KLHL29: variants seen among roughly 807,000 people sequenced by gnomAD.
The protein encoded by KLHL29 is kelch-like protein 29.
A neutral mutation model predicts 80.4 loss-of-function variants in KLHL29; 21 were observed. The ratio of observed to expected loss-of-function variants is 0.26; its 90% CI spans 0.19 to 0.38. KLHL29 has a LOEUF of 0.38. Among genes scored for constraint, KLHL29 ranks in the 10% least tolerant of loss-of-function variants. The probability of loss-of-function intolerance (pLI) is 1.00; values close to 1 mark genes in which losing one functional copy is unlikely to be tolerated. For missense variants in KLHL29, 867 were observed against 1,223.9 expected, an observed-to-expected ratio of 0.71 and a Z score of 4.35; for synonymous variants, 511 against 526.8, an observed-to-expected ratio of 0.97 and a Z score of 0.41.
chr2:23,706,458 CTG>C, intron 13 of KLHL29, 21 bp from the exon 14 acceptor site: 1 of 1,437,176 alleles, frequency 7.0e-7, no homozygotes, highest in Non-Finnish European at 9.2e-7. Context: ...ATGCCTAACT[CTG>C]TCCCCGCTTT....
chr2:23,501,882 C>G (rs987572018), intron 2 of KLHL29, among the ~76,000 whole-genome samples: 8 of 152,176 alleles, frequency 5.3e-5, no homozygotes, highest in Non-Finnish European at 1.2e-4. Flanking sequence ...CCCTCGTGCC[C>G]CTTCCCAGGC....
intron 3 of KLHL29, among the ~76,000 whole-genome samples, chr2:23,611,344 A>G (rs11892653): frequency 0.026 from 3,909 of 152,206 alleles, 177 homozygotes; most frequent in African/African-American, 0.09. Flanking sequence ...CAGGATTGGA[A>G]CCCAGAGTCT....
chr2:23,496,482 C>T lies in KLHL29; in HGVS notation c.-46+20815C>T, dbSNP rs114965479. Among the ~76,000 whole-genome samples the T allele has an allele frequency of 9.6e-3, 1,461 of 152,266 alleles. 15 individuals are homozygous for T. Among genetic ancestry groups the T allele is most frequent in the Non-Finnish European group, 0.015 (1,024 of 68,020 alleles). The stretch of plus-strand genomic sequence containing the variant: ...AAAGAGCACAGCCCTGGTACCTCCT[C>T]CCTCTCCCCCATCCTGCTCCCACCG... On this transcript the variant is annotated intron_variant, in intron 2 of 13. Coordinates refer to ENST00000486442, the MANE Select transcript of KLHL29 (RefSeq NM_052920.2).
chr2:23,493,649 G>A (rs1665171308), intron 2 of KLHL29, among the ~76,000 whole-genome samples: 1 of 152,118 alleles, frequency 6.6e-6, no homozygotes, highest in Admixed American at 6.5e-5. Context: ...GTGTGAGTGT[G>A]TGTGTGTGCG....
intron 1 of KLHL29, among the ~76,000 whole-genome samples, chr2:23,406,577 T>G (rs1666740015): frequency 6.6e-6 from 1 of 152,188 alleles, no homozygotes; most frequent in Non-Finnish European, 1.5e-5. Context: ...GCCATTCCCA[T>G]CAGATGTATT....
intron 2 of KLHL29, among the ~76,000 whole-genome samples, chr2:23,533,360 A>G (rs976843310): frequency 2.6e-5 from 4 of 151,770 alleles, no homozygotes; most frequent in African/African-American, 9.7e-5. Flanking sequence ...CTGGCATTCT[A>G]CCCCCTTTGG....
intron 3 of KLHL29, among the ~76,000 whole-genome samples, chr2:23,621,983 G>A (rs1209396481): frequency 2.0e-5 from 3 of 152,164 alleles, no homozygotes; most frequent in Non-Finnish European, 4.4e-5. Context: ...GAGAAAGTCT[G>A]GTCCAAAAGG....
chr2:23,571,987 GA>G (rs1201303623), intron 3 of KLHL29, among the ~76,000 whole-genome samples: 4 of 152,210 alleles, frequency 2.6e-5, no homozygotes, highest in African/African-American at 9.6e-5. Flanking sequence ...TGACCTTCGT[GA>G]GTACCCTGTC....
intron 1 of KLHL29, among the ~76,000 whole-genome samples, chr2:23,391,330 G>A (rs979558999): frequency 1.3e-5 from 2 of 152,204 alleles, no homozygotes; most frequent in African/African-American, 4.8e-5. Context: ...CTTCCATGTT[G>A]TAGCTACTGA....
At chr2:23,621,831 G>C (rs1310389479) in intron 3 of KLHL29, among the ~76,000 whole-genome samples, 1 of 152,212 alleles carries the variant, frequency 6.6e-6, no homozygotes, top group Admixed American at 6.5e-5. Flanking sequence ...CCTCCTCCCT[G>C]TGGTGGTCAA....
intron 2 of KLHL29, among the ~76,000 whole-genome samples, chr2:23,553,088 A>G (rs549644563): frequency 5.3e-5 from 8 of 152,288 alleles, no homozygotes; most frequent in African/African-American, 1.7e-4. Context: ...GGGACTTGTC[A>G]AATCCCTGCC....
intron 3 of KLHL29, among the ~76,000 whole-genome samples, chr2:23,612,687 A>G (rs1475215085): frequency 1.3e-5 from 2 of 152,198 alleles, no homozygotes; most frequent in Non-Finnish European, 2.9e-5. Context: ...GGTTGCAGTG[A>G]GCCAAGATCA....
At chr2:23,606,414 ACTGTGTCCTTGC>A (rs1668730498) in intron 3 of KLHL29, among the ~76,000 whole-genome samples, 1 of 151,972 alleles carries the variant, frequency 6.6e-6, no homozygotes, top group Non-Finnish European at 1.5e-5. Context: ...CCTGTGACTC[ACTGTGTCCTTGC>A]CTTTCCCAAT....
At chr2:23,546,541 ACAGCCC>A (rs2103486582) in intron 2 of KLHL29, among the ~76,000 whole-genome samples, 1 of 152,170 alleles carries the variant, frequency 6.6e-6, no homozygotes, top group East Asian at 1.9e-4. Flanking sequence ...GAGGAGCTAG[ACAGCCC>A]CAGGGCCCGT....
chr2:23,590,252 A>T (rs1668225691), intron 3 of KLHL29, among the ~76,000 whole-genome samples: 5 of 150,886 alleles, frequency 3.3e-5, no homozygotes, highest in Admixed American at 3.3e-4. Context: ...CCAGGGAGGG[A>T]TGCAGCTTTG....
chr2:23,641,583 AGTTTT>A (rs939859453), intron 4 of KLHL29, among the ~76,000 whole-genome samples: 4 of 152,306 alleles, frequency 2.6e-5, no homozygotes, highest in African/African-American at 7.2e-5. Context: ...ACACTCTGCT[AGTTTT>A]GTTTTGTTTT....
intron 3 of KLHL29, among the ~76,000 whole-genome samples, chr2:23,607,897 T>A (rs931692057): frequency 5.3e-5 from 8 of 152,226 alleles, no homozygotes; most frequent in African/African-American, 1.9e-4. Context: ...GACCACTGCC[T>A]TAGAGAGCTC....
intron 11 of KLHL29, among the ~76,000 whole-genome samples, chr2:23,698,566 A>AT (rs1672139734): frequency 8.8e-6 from 1 of 113,554 alleles, no homozygotes. Flanking sequence ...ATGGTGCATT[A>AT]TAATTATATT....
chr2:23,634,966 G>C (rs1022154055), intron 3 of KLHL29, among the ~76,000 whole-genome samples: 1 of 137,324 alleles, frequency 7.3e-6, no homozygotes, highest in South Asian at 2.4e-4. Flanking sequence ...GCTTTGCAAA[G>C]ACAGGGCAGA....
Sources: gnomAD v4.1 joint callset for allele counts (sites outside exome capture counted in the v4.1 genomes callset) on GRCh38, gnomAD v4.1.1 for gene constraint, MANE v1.5 for transcripts, NCBI Gene and HGNC (gene_info 2026-07-23, HGNC 2026-07-21) for gene names.